The following TCAIM variants were observed in gnomAD, a reference collection of about 807,000 sequenced individuals.
TCAIM encodes T cell activation inhibitor, mitochondrial.
In TCAIM, 36 loss-of-function variants were observed where a neutral mutation model predicts 58.6. The ratio of observed to expected loss-of-function variants is 0.61; its 90% confidence interval spans 0.47 to 0.81. The LOEUF (loss-of-function observed/expected upper bound fraction) is 0.81, where lower values mean the gene tolerates loss of function less well. Ranked by LOEUF, TCAIM falls within the 30% of genes least tolerant of loss-of-function variation. The pLI, the probability that TCAIM is intolerant of heterozygous loss-of-function variation, is 0.00. For synonymous variants in TCAIM, 172 were observed against 193.6 expected, an observed-to-expected ratio of 0.89 and a Z score of 0.93; for missense variants, 466 against 579.6, an observed-to-expected ratio of 0.80 and a Z score of 2.01.
chr3:44,397,587 T>C (rs1179560143), intron 8 of TCAIM, among the ~76,000 whole-genome samples: 1 of 152,254 alleles, frequency 6.6e-6, no homozygotes, highest in African/African-American at 2.4e-5. Context: ...ATAAAGCTGC[T>C]GTGAACATTT....
chr3:44,400,505 G>A lies in TCAIM; in HGVS notation c.1036G>A (p.Asp346Asn), dbSNP rs1304446407. The A allele has an allele frequency of 6.2e-7, 1 of 1,613,728 alleles. No individual in the cohort carries two copies. The highest frequency in any genetic ancestry group is 1.7e-5 in the Admixed American group (1 of 60,016). The change falls in exon 9 of 11, where the codon GAT (aspartate) becomes AAT (asparagine). Residue 346 changes from aspartate to asparagine, a missense_variant. Transcript: ENST00000342649. ...ACTTGAAGAATATTACTCTCTTCTTGATGTGTTTTATAATAGACTGTTGAA... is the reference window on the plus strand; with the variant it reads ...ACTTGAAGAATATTACTCTCTTCTTAATGTGTTTTATAATAGACTGTTGAA... ...LTLEEYYSLL[D>N]VFYNRLLKSR...
At chr3:44,347,303 A>G (rs1470796809) in intron 1 of TCAIM, among the ~76,000 whole-genome samples, 1 of 152,204 alleles carries the variant, frequency 6.6e-6, no homozygotes. Context: ...GAAGGTCATC[A>G]AAATACTTAA....
chr3:44,401,736 A>G (rs1460150119), intron 10 of TCAIM, among the ~76,000 whole-genome samples: 2 of 152,252 alleles, frequency 1.3e-5, no homozygotes. Flanking sequence ...CTTAAAGTAC[A>G]AAACTCATCT....
intron 1 of TCAIM, among the ~76,000 whole-genome samples, chr3:44,346,121 C>A (rs1358204012): frequency 6.6e-6 from 1 of 152,142 alleles, no homozygotes; most frequent in African/African-American, 2.4e-5. Flanking sequence ...TTGTCCAGTC[C>A]TTTTTAAGTT....
At chr3:44,373,613 C>T (rs1030712430) in intron 5 of TCAIM, among the ~76,000 whole-genome samples, 31 of 151,930 alleles carry the variant, frequency 2.0e-4, no homozygotes, top group African/African-American at 7.5e-4. Flanking sequence ...AAGATCGTGC[C>T]ACTGCACTCT....
chr3:44,371,168 TC>T (rs764528513), intron 5 of TCAIM, among the ~76,000 whole-genome samples: 2 of 151,872 alleles, frequency 1.3e-5, no homozygotes, highest in African/African-American at 2.4e-5. Context: ...CACCTCGACC[TC>T]CCAAAATGCT....
At chr3:44,380,216 T>G (rs890852545) in intron 5 of TCAIM, among the ~76,000 whole-genome samples, 1 of 152,080 alleles carries the variant, frequency 6.6e-6, no homozygotes, top group Non-Finnish European at 1.5e-5. Context: ...GTCTGATAGA[T>G]CAGTAAGGTG....
chr3:44,393,033 TG>T, intron 6 of TCAIM, 56 bp downstream of exon 6: 1 of 1,505,234 alleles, frequency 6.6e-7, no homozygotes, highest in Non-Finnish European at 9.1e-7. Context: ...AATTACCAAC[TG>T]ATAAGCTTTT....
intron 5 of TCAIM, among the ~76,000 whole-genome samples, chr3:44,380,297 TAAA>T (rs1488857970): frequency 6.6e-6 from 1 of 152,088 alleles, no homozygotes; most frequent in African/African-American, 2.4e-5. Context: ...GTTTCTACAA[TAAA>T]AGAAATATTT....
Position 44,367,649 on chromosome 3 carries a change from T to A in TCAIM, c.513T>A (p.Thr171=). The A allele has an allele frequency of 6.2e-7, 1 of 1,614,160 alleles. No individual in the cohort carries two copies. Among genetic ancestry groups the A allele is most frequent in the Non-Finnish European group, 8.5e-7 (1 of 1,180,002 alleles). Reference sequence around the variant, plus strand: ...GGGACAAGTCTTATTACTCCTTTACTGGATTCAAGGACCCTGATGAAGACC... The same window carrying A: ...GGGACAAGTCTTATTACTCCTTTACAGGATTCAAGGACCCTGATGAAGACC... ...IKWDKSYYSF[T]GFKDPDEDLE... The change falls in exon 5 of 11, where the codon ACT becomes ACA. Residue 171 remains threonine (T), a synonymous_variant. Transcript: ENST00000342649.
Position 44,344,023 on chromosome 3 carries a change from CTTT to C in TCAIM, c.-45+5205_-45+5207del, listed in dbSNP as rs5848695. On this transcript the variant is annotated intron_variant, in intron 1 of 10. Coordinates refer to ENST00000342649, the MANE Select transcript of TCAIM (RefSeq NM_173826.4). ...GCTTTGATTATTTTTGATGGAAATGCTTTTTTTTTTTTTTTTTTGAGAGAGTCT... is the reference window on the plus strand; with the variant it reads ...GCTTTGATTATTTTTGATGGAAATGCTTTTTTTTTTTTTTTGAGAGAGTCT... Among the ~76,000 whole-genome samples the C allele has an allele frequency of 1.9e-3, 222 of 118,332 alleles. 4 individuals carry two copies. In the East Asian group the frequency reaches 0.044, roughly 24 times the overall value. The allele number at this position is 118,332 out of a possible 152,430, so 77.6% of individuals were successfully genotyped here.
chr3:44,378,075 A>C (rs1158448954), intron 5 of TCAIM, among the ~76,000 whole-genome samples: 1 of 152,220 alleles, frequency 6.6e-6, no homozygotes, highest in Non-Finnish European at 1.5e-5. Flanking sequence ...TCCAGAATCT[A>C]TCAGGAACTT....
intron 5 of TCAIM, among the ~76,000 whole-genome samples, chr3:44,384,041 TTAAA>T (rs1701696761): frequency 1.3e-5 from 2 of 152,162 alleles, no homozygotes; most frequent in East Asian, 1.9e-4. Context: ...TTAGTAGAGG[TTAAA>T]TAGTCTGGCT....
intron 5 of TCAIM, among the ~76,000 whole-genome samples, chr3:44,380,628 G>A (rs1701641030): frequency 6.6e-6 from 1 of 151,746 alleles, no homozygotes; most frequent in Non-Finnish European, 1.5e-5. Flanking sequence ...AGTAGAAGGA[G>A]GGAAATAATA....
intron 1 of TCAIM, among the ~76,000 whole-genome samples, chr3:44,347,281 G>C (rs955667692): frequency 1.3e-5 from 2 of 152,088 alleles, no homozygotes; most frequent in African/African-American, 4.8e-5. Context: ...TTATAGGAGG[G>C]GCTATATAGT....
chr3:44,402,691 GT>G (rs751178248), intron 10 of TCAIM, among the ~76,000 whole-genome samples: 3 of 152,118 alleles, frequency 2.0e-5, no homozygotes, highest in Non-Finnish European at 4.4e-5. Context: ...TGTGAGTGCT[GT>G]AAATTTGCCA....
At position 44,392,993 on chromosome 3, in the gene TCAIM, G is replaced by T. The variant is rs777586346; in HGVS notation, c.695+16G>T. On this transcript the variant is annotated intron_variant, in intron 6 of 10. Coordinates refer to ENST00000342649, the MANE Select transcript of TCAIM (RefSeq NM_173826.4). ...CAGATATCAGGTAAGAAAGAAGAGAGAACCTAATTTAGAAATTGAAATGAA... is the reference window on the plus strand; with the variant it reads ...CAGATATCAGGTAAGAAAGAAGAGATAACCTAATTTAGAAATTGAAATGAA... The T allele has an allele frequency of 1.3e-6, 2 of 1,593,128 alleles. No individual in the cohort carries two copies. Among genetic ancestry groups the T allele is most frequent in the South Asian group, 1.1e-5 (1 of 87,918 alleles).
chr3:44,392,770 A>G (rs997563426), intron 5 of TCAIM, 85 bp from the exon 6 acceptor site: 2 of 1,288,076 alleles, frequency 1.6e-6, no homozygotes, highest in Non-Finnish European at 2.1e-6. Context: ...TATTGTGAAT[A>G]TGCAAGTGCA....
chr3:44,339,498 G>GT (rs1700809843), intron 1 of TCAIM, among the ~76,000 whole-genome samples: 1 of 152,114 alleles, frequency 6.6e-6, no homozygotes, highest in South Asian at 2.1e-4. Flanking sequence ...ACTGATTTAG[G>GT]TATCTTTCCA....
Sources: allele counts gnomAD v4.1 joint callset (sites outside exome capture counted in the v4.1 genomes callset), GRCh38; gene constraint gnomAD v4.1.1; transcripts MANE v1.5; gene names NCBI Gene and HGNC (gene_info 2026-07-23, HGNC 2026-07-21).